CCDC198: variants seen among roughly 807,000 people sequenced by gnomAD.
CCDC198 encodes coiled-coil domain containing 198, also known as factor associated with metabolism and energy.
Under a neutral mutation model 35.6 loss-of-function variants are expected in CCDC198, and 18 were observed. That is an observed-to-expected ratio of 0.51 (90% CI 0.35 to 0.75). The LOEUF is 0.75. Ranked by LOEUF, CCDC198 falls within the 30% of genes least tolerant of loss-of-function variation. The pLI, the probability that CCDC198 is intolerant of heterozygous loss-of-function variation, is 0.01. For missense variants in CCDC198, 365 were observed against 343.7 expected (o/e 1.06, Z -0.49); for synonymous variants, 119 against 113.4 (o/e 1.05, Z -0.31).
At chr14:57,491,276 A>G (rs988959254) in intron 1 of CCDC198, among the ~76,000 whole-genome samples, 2 of 152,216 alleles carry the variant, frequency 1.3e-5, no homozygotes, top group Admixed American at 1.3e-4. Flanking sequence ...GTCTGGACCC[A>G]GGATTTAATA....
Position 57,469,561 on chromosome 14 carries a change from G to A in CCDC198, c.*1794C>T, listed in dbSNP as rs931344594. ...AAGCCTTCCAAATTGACCACAATAA[G>A]TGAGGACACCATGAATAGGTTGGAT... On this transcript the variant is annotated 3_prime_UTR_variant, in exon 6 of 6. Coordinates refer to ENST00000216445, the MANE Select transcript of CCDC198 (RefSeq NM_018168.4). 2.0e-5 allele frequency: 3 copies of A among 152,222 alleles called. No individual in the cohort carries two copies. Among genetic ancestry groups the A allele is most frequent in the Admixed American group, 1.3e-4 (2 of 15,288 alleles). 9.4% of individuals were successfully genotyped at this position (152,222 alleles called of 1,614,324 possible). A position where few individuals can be genotyped will look rare whatever the true frequency, so the allele number is the denominator to read the frequency against.
chr14:57,477,171 A>G (rs2067027372), intron 5 of CCDC198, among the ~76,000 whole-genome samples: 1 of 152,236 alleles, frequency 6.6e-6, no homozygotes, highest in Non-Finnish European at 1.5e-5. Context: ...ACTTGTAAAT[A>G]CTAGCTGTAT....
At position 57,471,247 on chromosome 14, in the gene CCDC198, A is replaced by T. The variant is rs1300299893; in HGVS notation, c.*108T>A. Reference sequence around the variant, plus strand: ...GACTCTAAAGATATCATTTCTTTTTACCAAAGTGATTTGCTGTCCTCAAAG... The same window carrying T: ...GACTCTAAAGATATCATTTCTTTTTTCCAAAGTGATTTGCTGTCCTCAAAG... On this transcript the variant is annotated 3_prime_UTR_variant, in exon 6 of 6. Transcript: ENST00000216445. 2 of 758,944 alleles carry T rather than the reference A, an allele frequency of 2.6e-6. No homozygotes were observed. The highest frequency in any genetic ancestry group is 5.4e-5 in the East Asian group (2 of 37,096). 47.0% of individuals were successfully genotyped at this position (758,944 alleles called of 1,614,324 possible). A position where few individuals can be genotyped will look rare whatever the true frequency, so the allele number is the denominator to read the frequency against.
In CCDC198 at chr14:57,493,634, C is replaced by T. The variant is rs777620715; in HGVS notation, c.82G>A (p.Ala28Thr). The part of the protein sequence containing the change: ...LQNKEVETPS[A>T]GRVDFAFNQN... ...TTGAATGCAAAGTCCACACGGCCAG[C>T]CGAGGGAGTCTCTACCTCTTTGTTT... The change falls in exon 1 of 6, where the codon GCT becomes ACT. Residue 28 changes from alanine (A) to threonine (T), a missense_variant. Coordinates refer to ENST00000216445, the MANE Select transcript of CCDC198 (RefSeq NM_018168.4). The T allele has an allele frequency of 1.9e-6, 3 of 1,613,918 alleles. No homozygotes were observed. In the South Asian group the frequency reaches 3.3e-5, roughly 18 times the overall value.
chr14:57,472,382 G>A (rs114761627), intron 5 of CCDC198, among the ~76,000 whole-genome samples: 1,547 of 151,882 alleles, frequency 0.01, 28 homozygotes, highest in African/African-American at 0.036. Flanking sequence ...AAGAATCCAG[G>A]TCAATTATTT....
At chr14:57,475,204 T>C (rs954140376) in intron 5 of CCDC198, 16 of 306,666 alleles carry the variant, frequency 5.2e-5, no homozygotes, top group Non-Finnish European at 7.6e-5. Flanking sequence ...GAGCTTGCAG[T>C]GTGCAGAGAT....
Position 57,481,627 on chromosome 14 carries a change from A to G in CCDC198, c.427T>C (p.Tyr143His), listed in dbSNP as rs751281239. 1.3e-5 allele frequency: 21 copies of G among 1,611,876 alleles called. No homozygotes were observed. In the South Asian group the frequency reaches 1.9e-4, roughly 14 times the overall value. The stretch of plus-strand genomic sequence containing the variant: ...AAATATTGTCTGTTCTCAGAAGTAT[A>G]CATTGGAGTTTGCATTTTCTTTTCT... The part of the protein sequence containing the change: ...VLEKKMQTPM[Y>H]TSENRQYLHK... The change falls in exon 4 of 6, where the codon TAT becomes CAT. Residue 143 changes from tyrosine (Y) to histidine (H), a missense_variant. By Grantham distance (83) the Tyr-to-His change is moderately conservative. Coordinates refer to ENST00000216445, the MANE Select transcript of CCDC198 (RefSeq NM_018168.4).
intron 5 of CCDC198, among the ~76,000 whole-genome samples, chr14:57,476,676 G>C (rs550976426): frequency 3.2e-4 from 49 of 152,324 alleles, no homozygotes; most frequent in African/African-American, 1.0e-3. Context: ...TCTCACAAGA[G>C]AGCCACAACC....
intron 2 of CCDC198, 27 bp from the exon 3 acceptor site, chr14:57,483,178 A>G: frequency 6.2e-7 from 1 of 1,614,004 alleles, no homozygotes; most frequent in Non-Finnish European, 8.5e-7. Context: ...TAGAGCAGTC[A>G]GCATTCCTCA....
chr14:57,483,811 A>C (rs2067267329), intron 2 of CCDC198, among the ~76,000 whole-genome samples: 1 of 152,206 alleles, frequency 6.6e-6, no homozygotes, highest in Admixed American at 6.5e-5. Context: ...TTTGGGAGAC[A>C]AAGTCTGGTC....
chr14:57,478,795 C>T (rs1171303073), intron 5 of CCDC198: 1 of 1,104,920 alleles, frequency 9.1e-7, no homozygotes, highest in East Asian at 6.3e-5. Flanking sequence ...ATTATTCAGC[C>T]TTTTCTTATT....
chr14:57,475,693 G>A (rs1273422388), intron 5 of CCDC198: 1 of 408,930 alleles, frequency 2.4e-6, no homozygotes, highest in Non-Finnish European at 4.8e-6. Flanking sequence ...GGTAACAGGA[G>A]CGAAACTCTG....
intron 3 of CCDC198, among the ~76,000 whole-genome samples, chr14:57,482,583 C>T (rs1048462470): frequency 2.6e-5 from 4 of 152,124 alleles, no homozygotes; most frequent in Non-Finnish European, 4.4e-5. Context: ...ATTATAAGTG[C>T]ATAGCAGGGA....
Position 57,478,991 on chromosome 14 carries a change from T to C in CCDC198, c.655+1604A>G, listed in dbSNP as rs775947448. 3 of 1,289,286 alleles carry C rather than the reference T, an allele frequency of 2.3e-6. No homozygotes were observed. In the South Asian group the frequency reaches 3.7e-5, roughly 16 times the overall value. The allele number at this position is 1,289,286 out of a possible 1,614,324, so 79.9% of individuals were successfully genotyped here. A position where few individuals can be genotyped will look rare whatever the true frequency, so the allele number is the denominator to read the frequency against. ...CCCACGGCACAGCGATCTGTGTGTG[T>C]GAACAATATTGGAAATTTCAACTGT... On this transcript the variant is annotated intron_variant, in intron 5 of 5. Transcript: ENST00000216445.
chr14:57,487,636 A>G (rs2067409313), intron 2 of CCDC198, among the ~76,000 whole-genome samples: 1 of 152,164 alleles, frequency 6.6e-6, no homozygotes, highest in Non-Finnish European at 1.5e-5. Context: ...AGGCTGGATA[A>G]CGCTAGTTCA....
rs200004163 is a variant in CCDC198, at chr14:57,480,659, G to C, written c.591C>G (p.Thr197=). 1 of 1,614,046 alleles carries C rather than the reference G, an allele frequency of 6.2e-7. No individual in the cohort carries two copies. Among genetic ancestry groups the C allele is most frequent in the Admixed American group, 1.7e-5 (1 of 60,014 alleles). The part of the protein sequence containing the change: ...DHKAKKTLQS[T]PRNDDHDLLT... Reference sequence around the variant, plus strand: ...GAAGGTCATGGTCATCATTCCTTGGGGTGCTTTGAAGGGTTTTCTTGGCTT... The same window carrying C: ...GAAGGTCATGGTCATCATTCCTTGGCGTGCTTTGAAGGGTTTTCTTGGCTT... Residue 197 remains threonine (T), a synonymous_variant, in exon 5 of 6, where the codon ACC becomes ACG. Transcript: ENST00000216445.
Position 57,470,665 on chromosome 14 carries a change from T to C in CCDC198, c.*690A>G, listed in dbSNP as rs545462166. ...TCTATTTGTTTTATGTAATCTAATTTTCTTTTTAAAAACATGGTGAGGTGG... is the reference window on the plus strand; with the variant it reads ...TCTATTTGTTTTATGTAATCTAATTCTCTTTTTAAAAACATGGTGAGGTGG... On this transcript the variant is annotated 3_prime_UTR_variant, in exon 6 of 6. Transcript: ENST00000216445. 1 of 152,366 alleles carries C rather than the reference T, an allele frequency of 6.6e-6. No individual in the cohort carries two copies. Among genetic ancestry groups the C allele is most frequent in the East Asian group, 1.9e-4 (1 of 5,186 alleles). 9.4% of individuals were successfully genotyped at this position (152,366 alleles called of 1,614,324 possible). A position where few individuals can be genotyped will look rare whatever the true frequency, so the allele number is the denominator to read the frequency against.
chr14:57,480,276 A>C, intron 5 of CCDC198: 1 of 985,464 alleles, frequency 1.0e-6, no homozygotes, highest in Non-Finnish European at 1.2e-6. Flanking sequence ...CATATGCTTC[A>C]TTCTCTCTAA....
rs551780009 is a variant in CCDC198 at position 57,469,862 on chromosome 14, T to A, written c.*1493A>T. The A allele has an allele frequency of 1.3e-5, 2 of 152,332 alleles. No individual in the cohort carries two copies. The highest frequency in any genetic ancestry group is 2.1e-4 in the South Asian group (1 of 4,824). 9.4% of individuals were successfully genotyped at this position (152,332 alleles called of 1,614,324 possible). A position where few individuals can be genotyped will look rare whatever the true frequency, so the allele number is the denominator to read the frequency against. On this transcript the variant is annotated 3_prime_UTR_variant, in exon 6 of 6. Transcript: ENST00000216445. ...CAAATTGAAGTGGTGTTTTCCTCTA[T>A]TTTTTTCTGTTTTTGGAGTCTTCCC...
Sources: gnomAD v4.1 joint callset for allele counts (sites outside exome capture counted in the v4.1 genomes callset) on GRCh38, gnomAD v4.1.1 for gene constraint, MANE v1.5 for transcripts, NCBI Gene and HGNC (gene_info 2026-07-23, HGNC 2026-07-21) for gene names.